PKIB: variants seen among roughly 807,000 people sequenced by gnomAD.
The protein encoded by PKIB is PKI-beta.
In PKIB, 2 loss-of-function variants were observed where a neutral mutation model predicts 4.5. The observed-to-expected ratio is 0.44, with a 90% CI of 0.18 to 1.39. The LOEUF (loss-of-function observed/expected upper bound fraction) is 1.39, where lower values mean the gene tolerates loss of function less well. Ranked by LOEUF, PKIB falls within the 40% of genes most tolerant of loss-of-function variation. The pLI, the probability that PKIB is intolerant of heterozygous loss-of-function variation, is 0.27. For missense variants in PKIB, 94 were observed against 92.6 expected (o/e 1.02, Z -0.06); for synonymous variants, 38 against 36.0 (o/e 1.06, Z -0.20).
chr6:122,627,816 G>T (rs1310362595), intron 1 of PKIB, among the ~76,000 whole-genome samples: 1 of 151,832 alleles, frequency 6.6e-6, no homozygotes, highest in Non-Finnish European at 1.5e-5. Flanking sequence ...TACTGATAAA[G>T]AAAACTTCTT....
At chr6:122,528,491 G>A (rs969877072) in intron 2 of PKIB, among the ~76,000 whole-genome samples, 2 of 152,298 alleles carry the variant, frequency 1.3e-5, no homozygotes, top group Admixed American at 1.3e-4. Context: ...TGCATGGTTA[G>A]GGTCTGATGA....
At chr6:122,553,342 A>G (rs1332988178) in intron 2 of PKIB, among the ~76,000 whole-genome samples, 1 of 152,146 alleles carries the variant, frequency 6.6e-6, no homozygotes, top group African/African-American at 2.4e-5. Flanking sequence ...TTACTTTTGC[A>G]CCAACCGAAT....
chr6:122,602,469 T>G (rs1774399914), intron 3 of PKIB, among the ~76,000 whole-genome samples: 1 of 152,244 alleles, frequency 6.6e-6, no homozygotes, highest in South Asian at 2.1e-4. Flanking sequence ...TTTCAACAGT[T>G]AAGATGCTTT....
At chr6:122,615,948 A>T (rs886509243) in intron 1 of PKIB, among the ~76,000 whole-genome samples, 1 of 152,174 alleles carries the variant, frequency 6.6e-6, no homozygotes, top group African/African-American at 2.4e-5. Flanking sequence ...GTGTTAAGTC[A>T]CTCAGTTTGT....
intron 2 of PKIB, among the ~76,000 whole-genome samples, chr6:122,544,969 T>C (rs1384522189): frequency 1.3e-5 from 2 of 152,208 alleles, no homozygotes; most frequent in Non-Finnish European, 2.9e-5. Context: ...GAATGGCTAT[T>C]ACTAAAACAT....
upstream of PKIB, among the ~76,000 whole-genome samples, chr6:122,608,006 A>G (rs544828025): frequency 1.1e-4 from 16 of 152,302 alleles, no homozygotes; most frequent in East Asian, 1.9e-4. Context: ...GGTGGCTTCA[A>G]TGTCCATATA....
At chr6:122,544,772 GTAAAGAACT>G (rs1246482473) in intron 2 of PKIB, among the ~76,000 whole-genome samples, 1 of 151,954 alleles carries the variant, frequency 6.6e-6, no homozygotes, top group Non-Finnish European at 1.5e-5. Flanking sequence ...TCCAGAATCT[GTAAAGAACT>G]TAAAGAAATC....
chr6:122,509,586 AC>A (rs1776525385), intron 2 of PKIB, among the ~76,000 whole-genome samples: 3 of 151,764 alleles, frequency 2.0e-5, no homozygotes, highest in Admixed American at 6.6e-5. Flanking sequence ...GCCCACCACC[AC>A]ACCCAGCTAA....
chr6:122,703,467 T>A lies in PKIB; in HGVS notation c.-8-14320T>A, dbSNP rs367610776. 2.6e-5 allele frequency among the ~76,000 whole-genome samples: 4 copies of A among 152,162 alleles called. No homozygotes were observed. The East Asian group carries it at 7.7e-4, about 29-fold the overall frequency. On this transcript the variant is annotated intron_variant, in intron 3 of 4. Coordinates refer to ENST00000368452, the MANE Select transcript of PKIB (RefSeq NM_181795.3). Reference sequence around the variant, plus strand: ...TGTTTTTATTTCAATTATTAAAACATTCCTTTATTATTTTTACTATGAGAA... The same window carrying A: ...TGTTTTTATTTCAATTATTAAAACAATCCTTTATTATTTTTACTATGAGAA...
chr6:122,577,499 C>G (rs1469134860), intron 2 of PKIB, among the ~76,000 whole-genome samples: 2 of 151,724 alleles, frequency 1.3e-5, no homozygotes, highest in Non-Finnish European at 2.9e-5. Flanking sequence ...AAATCAAGTC[C>G]AAATTAATCT....
At chr6:122,618,491 G>A (rs1011038799) in intron 1 of PKIB, among the ~76,000 whole-genome samples, 9 of 151,832 alleles carry the variant, frequency 5.9e-5, no homozygotes, top group African/African-American at 1.7e-4. Context: ...AATATACGTT[G>A]CAATGAAAAT....
At chr6:122,689,452 G>A (rs1778236632) in intron 3 of PKIB, among the ~76,000 whole-genome samples, 1 of 152,080 alleles carries the variant, frequency 6.6e-6, no homozygotes, top group African/African-American at 2.4e-5. Context: ...GTTTTGGTAT[G>A]TTGTGTTTCC....
chr6:122,514,698 T>C (rs1241247608), intron 2 of PKIB, among the ~76,000 whole-genome samples: 1 of 152,232 alleles, frequency 6.6e-6, no homozygotes, highest in Non-Finnish European at 1.5e-5. Context: ...TTTTTGTTTT[T>C]GTTTTTGTTT....
rs1313139344 is a variant in PKIB, at chr6:122,550,538, A to G, written c.-247-35383A>G. On this transcript the variant is annotated intron_variant, in intron 2 of 6. Transcript: ENST00000392491. ...AAGAATTCATTTAAAACTTTTGCTA[A>G]TTTTTCATATTTTCCAACAGTCTTT... Among the ~76,000 whole-genome samples, 3 of 151,976 alleles carry G rather than the reference A, an allele frequency of 2.0e-5. 1 individual carries two copies. Among genetic ancestry groups the G allele is most frequent in the Non-Finnish European group, 1.5e-5 (1 of 67,988 alleles).
chr6:122,587,549 G>T (rs1773888431), intron 3 of PKIB, among the ~76,000 whole-genome samples: 1 of 152,144 alleles, frequency 6.6e-6, no homozygotes. Context: ...CCCAGTAATG[G>T]GATGGCTGGG....
At chr6:122,540,140 T>G (rs1050535009) in intron 2 of PKIB, among the ~76,000 whole-genome samples, 15 of 152,106 alleles carry the variant, frequency 9.9e-5, no homozygotes, top group African/African-American at 3.6e-4. Context: ...AGTTCCAGGA[T>G]TCATTAATTT....
intron 3 of PKIB, among the ~76,000 whole-genome samples, chr6:122,601,418 G>A (rs1774360121): frequency 6.6e-6 from 1 of 152,122 alleles, no homozygotes; most frequent in Admixed American, 6.5e-5. Context: ...CTTTTTTAAA[G>A]TATTGGAAAA....
rs1779562544 is a variant in PKIB at position 122,717,845 on chromosome 6, T to G, written c.51T>G (p.Asn17Lys). ...KMTDVESGVANFASSARAGRR... is the reference protein window; with the variant it reads ...KMTDVESGVAKFASSARAGRR... ...CTGACGTGGAGTCTGGGGTCGCCAA[T>G]TTTGCATCTTCAGCAAGGGCAGGCC... is the stretch of plus-strand genomic sequence containing the variant. Residue 17 changes from asparagine (N) to lysine (K), a missense_variant, in exon 4 of 5, where the codon AAT (asparagine) becomes AAG (lysine). Transcript: ENST00000368452. 4 of 1,614,042 alleles carry G rather than the reference T, an allele frequency of 2.5e-6. No homozygotes were observed. Among genetic ancestry groups the G allele is most frequent in the Non-Finnish European group, 3.4e-6 (4 of 1,179,988 alleles).
At chr6:122,545,638 T>C (rs892216912) in intron 2 of PKIB, among the ~76,000 whole-genome samples, 3 of 150,872 alleles carry the variant, frequency 2.0e-5, no homozygotes, top group Non-Finnish European at 2.9e-5. Flanking sequence ...GTTCCCTTCT[T>C]TGTGGAGGGT....
Sources: allele counts gnomAD v4.1 joint callset (sites outside exome capture counted in the v4.1 genomes callset), GRCh38; gene constraint gnomAD v4.1.1; transcripts MANE v1.5; gene names NCBI Gene and HGNC (gene_info 2026-07-23, HGNC 2026-07-21).